Variants in PPP1R12B observed in about 807,000 individuals in gnomAD.
PPP1R12B encodes the protein myosin phosphatase target subunit 2.
Under a neutral mutation model 126.1 loss-of-function variants are expected in PPP1R12B, and 76 were observed. The observed-to-expected ratio is 0.60, with a 90% confidence interval of 0.50 to 0.73. The LOEUF is 0.73. Among genes scored for constraint, PPP1R12B ranks in the 30% least tolerant of loss-of-function variants. PPP1R12B has a pLI of 0.00. For synonymous variants in PPP1R12B, 356 were observed against 434.7 expected (o/e 0.82, Z 2.25); for missense variants, 1,052 against 1,205.1 (o/e 0.87, Z 1.88).
At chr1:202,400,562 A>G (rs1418399676) in intron 1 of PPP1R12B, among the ~76,000 whole-genome samples, 1 of 152,272 alleles carries the variant, frequency 6.6e-6, no homozygotes, top group Non-Finnish European at 1.5e-5. Context: ...CATCCCAGGC[A>G]GAGGAAACAG....
chr1:202,550,116 G>C (rs1211475206), intron 18 of PPP1R12B, among the ~76,000 whole-genome samples: 3 of 152,130 alleles, frequency 2.0e-5, no homozygotes, highest in Admixed American at 6.5e-5. Context: ...AAGAGAAAAA[G>C]CCTGTGGAAT....
intron 13 of PPP1R12B, among the ~76,000 whole-genome samples, chr1:202,462,119 C>CG (rs1674384085): frequency 6.6e-6 from 1 of 152,060 alleles, no homozygotes; most frequent in African/African-American, 2.4e-5. Context: ...TTGCATAAAT[C>CG]TGAATATACT....
At chr1:202,478,369 G>T (rs570778776) in intron 13 of PPP1R12B, among the ~76,000 whole-genome samples, 1 of 152,184 alleles carries the variant, frequency 6.6e-6, no homozygotes, top group Non-Finnish European at 1.5e-5. Context: ...TACTGAAAAC[G>T]TAGTATGTTC....
chr1:202,456,860 A>T (rs567008033), intron 13 of PPP1R12B, among the ~76,000 whole-genome samples: 1 of 152,342 alleles, frequency 6.6e-6, no homozygotes, highest in East Asian at 1.9e-4. Flanking sequence ...ATCCAGAGTA[A>T]AAGACTGTAA....
chr1:202,543,844 A>T (rs992422476), intron 18 of PPP1R12B, among the ~76,000 whole-genome samples: 1 of 152,224 alleles, frequency 6.6e-6, no homozygotes, highest in East Asian at 1.9e-4. Flanking sequence ...AATGACTGTT[A>T]TAAGTGGTAT....
At chr1:202,572,953 C>G (rs530929238) in intron 23 of PPP1R12B, among the ~76,000 whole-genome samples, 36 of 152,308 alleles carry the variant, frequency 2.4e-4, no homozygotes, top group Non-Finnish European at 3.4e-4. Flanking sequence ...ATGCTGATAA[C>G]TTCCAAATTC....
intron 15 of PPP1R12B, among the ~76,000 whole-genome samples, 193 bp from the exon 16 acceptor site, chr1:202,495,100 T>G (rs2148856240): frequency 6.7e-6 from 1 of 148,882 alleles, no homozygotes; most frequent in Admixed American, 6.7e-5. Context: ...GCAGCTGTGT[T>G]TTTTTTTTTT....
chr1:202,562,487 A>G (rs545133118), intron 19 of PPP1R12B: 1 of 438,578 alleles, frequency 2.3e-6, no homozygotes, highest in African/African-American at 2.0e-5. Flanking sequence ...ATCCTAAACT[A>G]ATATGAAAAG....
At chr1:202,478,252 A>G (rs1676927018) in intron 13 of PPP1R12B, among the ~76,000 whole-genome samples, 1 of 152,246 alleles carries the variant, frequency 6.6e-6, no homozygotes, top group African/African-American at 2.4e-5. Context: ...TGTGATTCCA[A>G]TAAAACTTTA....
chr1:202,387,743 A>C (rs1167581973), intron 1 of PPP1R12B, among the ~76,000 whole-genome samples: 1 of 152,206 alleles, frequency 6.6e-6, no homozygotes, highest in Non-Finnish European at 1.5e-5. Context: ...CTTCTAGGTC[A>C]CATTCTACTG....
chr1:202,521,729 T>G (rs1027349164), intron 18 of PPP1R12B, among the ~76,000 whole-genome samples: 1 of 151,978 alleles, frequency 6.6e-6, no homozygotes, highest in African/African-American at 2.4e-5. Context: ...CCTGAGGAGC[T>G]CTAACATACA....
chr1:202,434,536 C>G (rs1571998813), intron 8 of PPP1R12B, 120 bp from the exon 9 acceptor site: 9 of 1,279,564 alleles, frequency 7.0e-6, no homozygotes, highest in Middle Eastern at 2.5e-4. Flanking sequence ...CCAAGCATTA[C>G]AGGGCCTTAA....
chr1:202,349,013 C>T lies in PPP1R12B; in HGVS notation c.162C>T (p.Val54=). The change falls in exon 1 of 24, where the codon GTC becomes GTT. Residue 54 remains valine (V), a synonymous_variant. Coordinates refer to ENST00000608999, the MANE Select transcript of PPP1R12B (RefSeq NM_002481.4). ...TGACCAGGCGCGGGAGCCCCAGGGT[C>T]CGCTTCGAGGACGGTGCTGTCTTTC... is the stretch of plus-strand genomic sequence containing the variant. ...QPLTRRGSPR[V]RFEDGAVFLA... 1 of 1,610,230 alleles carries T rather than the reference C, an allele frequency of 6.2e-7. No homozygotes were observed. The highest frequency in any genetic ancestry group is 8.5e-7 in the Non-Finnish European group (1 of 1,178,552).
chr1:202,478,320 G>A (rs140787209), intron 13 of PPP1R12B, among the ~76,000 whole-genome samples: 2,117 of 152,324 alleles, frequency 0.014, 17 homozygotes, highest in Non-Finnish European at 0.022. Flanking sequence ...TGACCAGCTG[G>A]TCTAGATTTT....
intron 13 of PPP1R12B, among the ~76,000 whole-genome samples, chr1:202,461,385 A>C (rs1674293358): frequency 6.6e-6 from 1 of 152,174 alleles, no homozygotes; most frequent in Non-Finnish European, 1.5e-5. Context: ...TCATGGAGCT[A>C]TTGTGAGGAT....
chr1:202,493,411 A>G lies in PPP1R12B; in HGVS notation c.2145+94A>G, dbSNP rs184437270. The stretch of plus-strand genomic sequence containing the variant: ...ACTGGTAGTTCAAAGGCTGTGTTCT[A>G]CCTTGCAATGGACAACTCACTCAGT... On this transcript the variant is annotated intron_variant, in intron 15 of 23. Coordinates refer to ENST00000608999, the MANE Select transcript of PPP1R12B (RefSeq NM_002481.4). 945 of 1,316,350 alleles carry G rather than the reference A, an allele frequency of 7.2e-4. 9 individuals carry two copies. In the East Asian group the frequency reaches 0.021, roughly 29 times the overall value. 81.5% of individuals were successfully genotyped at this position (1,316,350 alleles called of 1,614,324 possible).
chr1:202,532,003 C>T (rs1233338506), intron 18 of PPP1R12B, among the ~76,000 whole-genome samples: 8 of 152,206 alleles, frequency 5.3e-5, no homozygotes, highest in Admixed American at 5.2e-4. Flanking sequence ...GACAGAGCAG[C>T]CCCAAGGGCT....
At chr1:202,351,215 G>A (rs1189895180) in intron 1 of PPP1R12B, among the ~76,000 whole-genome samples, 1 of 142,886 alleles carries the variant, frequency 7.0e-6, no homozygotes, top group Non-Finnish European at 1.5e-5. Context: ...AGAAGTTTTT[G>A]TTGTTGTTGT....
intron 18 of PPP1R12B, among the ~76,000 whole-genome samples, chr1:202,523,484 A>G (rs1334869696): frequency 1.3e-5 from 2 of 152,212 alleles, no homozygotes; most frequent in Non-Finnish European, 2.9e-5. Context: ...GATGTAGTGT[A>G]GTGAGGTCCT....
Sources: allele counts gnomAD v4.1 joint callset (sites outside exome capture counted in the v4.1 genomes callset), GRCh38; gene constraint gnomAD v4.1.1; transcripts MANE v1.5; gene names NCBI Gene and HGNC (gene_info 2026-07-23, HGNC 2026-07-21).